SLC16A10: variants seen among roughly 807,000 people sequenced by gnomAD.
SLC16A10 encodes the protein monocarboxylate transporter 10.
In SLC16A10, 27 loss-of-function variants were observed where a neutral mutation model predicts 40.0. The observed-to-expected ratio is 0.67, with a 90% CI of 0.50 to 0.93. The LOEUF is 0.93. SLC16A10 is among the 40% of genes least tolerant of loss of function. SLC16A10 has a pLI of 0.00. For synonymous variants in SLC16A10, 213 were observed against 249.8 expected (o/e 0.85, Z 1.39); for missense variants, 529 against 658.2 (o/e 0.80, Z 2.15).
At chr6:111,219,125 A>T in intron 5 of SLC16A10, 83 bp downstream of exon 5, 2 of 1,237,806 alleles carry the variant, frequency 1.6e-6, no homozygotes, top group South Asian at 1.4e-5. Context: ...TTTATATGTA[A>T]AACATATTAC....
At chr6:111,183,025 G>A (rs923789357) in intron 3 of SLC16A10, among the ~76,000 whole-genome samples, 1 of 152,154 alleles carries the variant, frequency 6.6e-6, no homozygotes, top group Non-Finnish European at 1.5e-5. Context: ...CTATGAAGAA[G>A]CCACAGGCAT....
chr6:111,205,490 T>TA (rs1257759823), intron 3 of SLC16A10, among the ~76,000 whole-genome samples: 4 of 151,952 alleles, frequency 2.6e-5, no homozygotes, highest in African/African-American at 9.7e-5. Flanking sequence ...AAAGGTCCTT[T>TA]AAAAAAAAGA....
chr6:111,160,544 C>G (rs1014370943), intron 1 of SLC16A10, among the ~76,000 whole-genome samples: 1 of 152,364 alleles, frequency 6.6e-6, no homozygotes, highest in East Asian at 1.9e-4. Flanking sequence ...ACTTTGCCAA[C>G]CAGGGACTCA....
intron 1 of SLC16A10, among the ~76,000 whole-genome samples, chr6:111,134,288 A>AT (rs1321211479): frequency 2.0e-5 from 3 of 152,242 alleles, no homozygotes; most frequent in Non-Finnish European, 4.4e-5. Context: ...GATGTCCACT[A>AT]TAACACAGGG....
At chr6:111,108,872 A>G (rs1771334447) in intron 1 of SLC16A10, among the ~76,000 whole-genome samples, 1 of 152,202 alleles carries the variant, frequency 6.6e-6, no homozygotes, top group African/African-American at 2.4e-5. Flanking sequence ...CTTCCCGGAG[A>G]TAAAGTAATT....
intron 1 of SLC16A10, among the ~76,000 whole-genome samples, chr6:111,092,327 T>TG (rs1770992636): frequency 8.4e-6 from 1 of 119,558 alleles, no homozygotes; most frequent in African/African-American, 2.9e-5. Context: ...TTTTTTTTTT[T>TG]TTTTTTTTTT....
chr6:111,169,489 C>T (rs2114538029), intron 1 of SLC16A10, among the ~76,000 whole-genome samples: 1 of 152,352 alleles, frequency 6.6e-6, no homozygotes. Context: ...TGCCTTCCTT[C>T]CCCAGCCTCC....
chr6:111,179,604 T>G (rs1337363513), intron 3 of SLC16A10, among the ~76,000 whole-genome samples: 1 of 152,208 alleles, frequency 6.6e-6, no homozygotes, highest in African/African-American at 2.4e-5. Flanking sequence ...AAATAAAATT[T>G]CATAGTGGAA....
intron 2 of SLC16A10, among the ~76,000 whole-genome samples, chr6:111,175,894 G>A (rs1366442453): frequency 2.0e-5 from 3 of 151,348 alleles, no homozygotes; most frequent in Admixed American, 1.3e-4. Context: ...TTTTTAAATA[G>A]AGATGGGGTT....
At chr6:111,185,053 C>T (rs1240136621) in intron 3 of SLC16A10, among the ~76,000 whole-genome samples, 2 of 152,154 alleles carry the variant, frequency 1.3e-5, no homozygotes, top group Non-Finnish European at 2.9e-5. Flanking sequence ...GTGGCTTCCT[C>T]AGAGGGAGAT....
chr6:111,217,404 A>C (rs1773443043), intron 4 of SLC16A10, among the ~76,000 whole-genome samples: 1 of 152,146 alleles, frequency 6.6e-6, no homozygotes, highest in Non-Finnish European at 1.5e-5. Flanking sequence ...TGCTTTTAAA[A>C]ATTTTTTCTG....
intron 4 of SLC16A10, among the ~76,000 whole-genome samples, chr6:111,207,236 C>T (rs549963823): frequency 2.0e-5 from 3 of 152,182 alleles, no homozygotes; most frequent in Non-Finnish European, 2.9e-5. Context: ...TTTGTTTTGT[C>T]GTGGAACTCC....
At chr6:111,138,856 T>C (rs556109328) in intron 1 of SLC16A10, among the ~76,000 whole-genome samples, 2 of 152,288 alleles carry the variant, frequency 1.3e-5, no homozygotes, top group East Asian at 3.9e-4. Context: ...GGCTTATGTA[T>C]ATAAGAAGGA....
In SLC16A10 at chr6:111,177,604, C is replaced by T. The variant is rs758673620; in HGVS notation, c.881C>T (p.Ala294Val). 3 of 1,602,120 alleles carry T rather than the reference C, an allele frequency of 1.9e-6. No individual in the cohort carries two copies. The highest frequency in any genetic ancestry group is 1.1e-5 in the South Asian group (1 of 89,224). The change falls in exon 3 of 6, where the codon GCA becomes GTA. Residue 294 changes from alanine (A) to valine (V), a missense_variant. Transcript: ENST00000368851. Reference protein sequence around the residue: ...NFAIFKVTAYAVWAVGIPLAL... With the variant: ...NFAIFKVTAYVVWAVGIPLAL... The stretch of plus-strand genomic sequence containing the variant: ...GCCATCTTCAAGGTGACAGCTTATG[C>T]AGTGTGGGCAGTTGGAATACCACTT...
intron 1 of SLC16A10, among the ~76,000 whole-genome samples, chr6:111,122,130 G>C (rs2114476370): frequency 6.6e-6 from 1 of 152,306 alleles, no homozygotes; most frequent in African/African-American, 2.4e-5. Context: ...GGGAGGGTTG[G>C]GATCAGGCGT....
chr6:111,100,990 C>CTA (rs1191509816), intron 1 of SLC16A10, among the ~76,000 whole-genome samples: 4 of 70,980 alleles, frequency 5.6e-5, no homozygotes, highest in East Asian at 3.9e-4. Flanking sequence ...CTCTCTCTCT[C>CTA]TCTATATATA....
At chr6:111,194,871 C>CTAG (rs1773054858) in intron 3 of SLC16A10, among the ~76,000 whole-genome samples, 1 of 152,122 alleles carries the variant, frequency 6.6e-6, no homozygotes, top group South Asian at 2.1e-4. Context: ...TATTTCCTTG[C>CTAG]TAGGCTCTTG....
rs572615280 is a variant in SLC16A10, at chr6:111,218,347, G to A, written c.1087-467G>A. On this transcript the variant is annotated intron_variant, in intron 4 of 5. Coordinates refer to ENST00000368851, the MANE Select transcript of SLC16A10 (RefSeq NM_018593.5). Reference sequence around the variant, plus strand: ...GTAATCCCAGCACTTTGGGAGGCCGGGCAGGTGGATCACTTGAGGTCAGGA... The same window carrying A: ...GTAATCCCAGCACTTTGGGAGGCCGAGCAGGTGGATCACTTGAGGTCAGGA... 1.2e-4 allele frequency among the ~76,000 whole-genome samples: 18 copies of A among 152,154 alleles called. No individual in the cohort carries two copies. The South Asian group carries it at 2.3e-3, about 19-fold the overall frequency.
chr6:111,106,370 G>A (rs1771284798), intron 1 of SLC16A10, among the ~76,000 whole-genome samples: 1 of 152,130 alleles, frequency 6.6e-6, no homozygotes, highest in Non-Finnish European at 1.5e-5. Flanking sequence ...ATATGTGGTA[G>A]TTATTTTTTG....
Sources: gnomAD v4.1 joint callset for allele counts (sites outside exome capture counted in the v4.1 genomes callset) on GRCh38, gnomAD v4.1.1 for gene constraint, MANE v1.5 for transcripts, NCBI Gene and HGNC (gene_info 2026-07-23, HGNC 2026-07-21) for gene names.